Variants in LSAMP observed in about 807,000 individuals in gnomAD.
The protein encoded by LSAMP is limbic system-associated membrane protein.
In LSAMP, 7 loss-of-function variants were observed where a neutral mutation model predicts 38.6. The observed-to-expected ratio is 0.18, with a 90% CI of 0.10 to 0.34. LSAMP has a LOEUF of 0.34. LSAMP is among the 10% of genes least tolerant of loss of function. LSAMP has a pLI of 1.00. For synonymous variants in LSAMP, 154 were observed against 166.8 expected (o/e 0.92, Z 0.59); for missense variants, 313 against 420.0 (o/e 0.75, Z 2.23).
chr3:116,239,509 T>C (rs1298956165), intron 1 of LSAMP, among the ~76,000 whole-genome samples: 1 of 152,246 alleles, frequency 6.6e-6, no homozygotes, highest in Non-Finnish European at 1.5e-5. Context: ...AACAAGATAG[T>C]ATATTAGGGA....
intron 2 of LSAMP, among the ~76,000 whole-genome samples, chr3:116,079,258 C>T (rs1000464906): frequency 2.0e-5 from 3 of 152,328 alleles, no homozygotes; most frequent in East Asian, 3.9e-4. Flanking sequence ...CCTGGCCCTT[C>T]GGAGATGCCT....
At chr3:116,215,173 TAAAC>T (rs571021705) in intron 1 of LSAMP, among the ~76,000 whole-genome samples, 93 of 152,276 alleles carry the variant, frequency 6.1e-4, no homozygotes, top group African/African-American at 2.2e-3. Flanking sequence ...ACGAAATAAA[TAAAC>T]AAACAAATAA....
intron 1 of LSAMP, among the ~76,000 whole-genome samples, chr3:116,088,076 A>G (rs1708033295): frequency 6.6e-6 from 1 of 151,882 alleles, no homozygotes; most frequent in Non-Finnish European, 1.5e-5. Context: ...AAAAAAAATT[A>G]GAGATGGGGT....
chr3:115,861,919 A>G (rs1444635150), intron 3 of LSAMP, among the ~76,000 whole-genome samples: 2 of 152,212 alleles, frequency 1.3e-5, no homozygotes, highest in Non-Finnish European at 2.9e-5. Flanking sequence ...TCCTAAAGCC[A>G]GCACCCATTC....
intron 1 of LSAMP, among the ~76,000 whole-genome samples, chr3:116,242,567 G>A (rs1289678974): frequency 1.3e-5 from 2 of 151,648 alleles, no homozygotes; most frequent in East Asian, 3.9e-4. Context: ...CCACTATTCC[G>A]CCTTTCTTTT....
chr3:116,108,009 A>G (rs1267534574), intron 1 of LSAMP, among the ~76,000 whole-genome samples: 2 of 152,186 alleles, frequency 1.3e-5, no homozygotes, highest in African/African-American at 4.8e-5. Context: ...ATGCTGTAGC[A>G]GGCGAGTGAT....
chr3:116,273,246 G>T (rs1271000469), intron 1 of LSAMP, among the ~76,000 whole-genome samples: 1 of 151,814 alleles, frequency 6.6e-6, no homozygotes, highest in African/African-American at 2.4e-5. Flanking sequence ...AACCCCCACG[G>T]TTTCCCATTC....
At chr3:116,337,131 A>G (rs1477947233) in intron 1 of LSAMP, among the ~76,000 whole-genome samples, 1 of 152,024 alleles carries the variant, frequency 6.6e-6, no homozygotes, top group East Asian at 1.9e-4. Context: ...AAAATCATAG[A>G]CAGATGGTAG....
chr3:116,421,936 A>G (rs1251572785), intron 1 of LSAMP, among the ~76,000 whole-genome samples: 3 of 152,228 alleles, frequency 2.0e-5, no homozygotes, highest in Non-Finnish European at 4.4e-5. Flanking sequence ...GTACCTATGG[A>G]AGAGAAATGA....
chr3:116,252,793 T>A (rs1028688940), intron 1 of LSAMP, among the ~76,000 whole-genome samples: 5 of 152,222 alleles, frequency 3.3e-5, no homozygotes, highest in Admixed American at 3.3e-4. Context: ...TCCGCAGATG[T>A]CATCATGAAC....
intron 1 of LSAMP, among the ~76,000 whole-genome samples, chr3:116,373,875 G>A (rs1450431598): frequency 2.0e-5 from 3 of 151,896 alleles, no homozygotes; most frequent in African/African-American, 7.2e-5. Context: ...GTTGACTTTA[G>A]AGTTAGTTTC....
intron 1 of LSAMP, among the ~76,000 whole-genome samples, chr3:116,281,820 T>C (rs1372980355): frequency 3.3e-5 from 5 of 152,194 alleles, no homozygotes; most frequent in African/African-American, 4.8e-5. Flanking sequence ...CTGTTGGGTA[T>C]TTCCCCACGT....
At chr3:115,913,789 G>A (rs938484181) in intron 3 of LSAMP, among the ~76,000 whole-genome samples, 37 of 152,210 alleles carry the variant, frequency 2.4e-4, no homozygotes, top group African/African-American at 8.7e-4. Context: ...ATAAGAAGGG[G>A]ACCTATGTCT....
intron 1 of LSAMP, among the ~76,000 whole-genome samples, chr3:116,309,231 T>C (rs1370589457): frequency 1.3e-5 from 2 of 152,126 alleles, no homozygotes; most frequent in Admixed American, 6.6e-5. Context: ...TCCCATTTCA[T>C]AGACATGCTG....
chr3:116,108,649 G>A (rs531613809), intron 1 of LSAMP, among the ~76,000 whole-genome samples: 1 of 152,278 alleles, frequency 6.6e-6, no homozygotes, highest in African/African-American at 2.4e-5. Context: ...CAGAAGCTAT[G>A]GGAGTGGCTG....
intron 1 of LSAMP, among the ~76,000 whole-genome samples, chr3:116,110,048 G>A (rs1471141713): frequency 6.6e-6 from 1 of 151,932 alleles, no homozygotes; most frequent in Non-Finnish European, 1.5e-5. Context: ...AGAGGTCGGG[G>A]TGTGGAAATA....
At chr3:116,185,487 G>A (rs1710592544) in intron 1 of LSAMP, among the ~76,000 whole-genome samples, 1 of 151,882 alleles carries the variant, frequency 6.6e-6, no homozygotes, top group Non-Finnish European at 1.5e-5. Context: ...CACACACAGG[G>A]ATTCTATCAT....
chr3:116,158,910 GAAACAAAACAAAACAGA>G (rs2107535573), intron 1 of LSAMP, among the ~76,000 whole-genome samples: 1 of 151,764 alleles, frequency 6.6e-6, no homozygotes, highest in Admixed American at 6.6e-5. Flanking sequence ...AAGCAAAAAC[GAAACAAAACAAAACAGA>G]AAACAAAACA....
intron 3 of LSAMP, among the ~76,000 whole-genome samples, chr3:115,990,750 A>G (rs1482246458): frequency 6.6e-6 from 1 of 152,100 alleles, no homozygotes; most frequent in East Asian, 1.9e-4. Context: ...TCACACTAAC[A>G]TGAAGAGAAA....
Sources: allele counts gnomAD v4.1 joint callset (sites outside exome capture counted in the v4.1 genomes callset), GRCh38; gene constraint gnomAD v4.1.1; transcripts MANE v1.5; gene names NCBI Gene and HGNC (gene_info 2026-07-23, HGNC 2026-07-21).